EXOC4: variants seen among roughly 807,000 people sequenced by gnomAD.
The protein encoded by EXOC4 is exocyst complex component 4, also known as SEC8-like 1.
A neutral mutation model predicts 107.2 loss-of-function variants in EXOC4; 71 were observed. The observed-to-expected ratio is 0.66, with a 90% CI of 0.55 to 0.81. EXOC4 has a LOEUF of 0.81. Among genes scored for constraint, EXOC4 ranks in the 30% least tolerant of loss-of-function variants. The pLI, the probability that EXOC4 is intolerant of heterozygous loss-of-function variation, is 0.00. For missense variants in EXOC4, 1,108 were observed against 1,189.6 expected (o/e 0.93, Z 1.01); for synonymous variants, 456 against 441.2 (o/e 1.03, Z -0.42).
At chr7:133,647,043 T>C (rs899527252) in intron 10 of EXOC4, among the ~76,000 whole-genome samples, 5 of 152,168 alleles carry the variant, frequency 3.3e-5, no homozygotes, top group African/African-American at 1.2e-4. Flanking sequence ...AAATTACCGA[T>C]GCAGTCCTAA....
At chr7:134,014,462 A>G (rs1041450536) in intron 17 of EXOC4, among the ~76,000 whole-genome samples, 37 of 152,366 alleles carry the variant, frequency 2.4e-4, no homozygotes, top group African/African-American at 6.5e-4. Flanking sequence ...AACGTGGTAC[A>G]TTCATACAAT....
At chr7:133,362,379 A>T (rs1027461466) in intron 6 of EXOC4, among the ~76,000 whole-genome samples, 11 of 152,156 alleles carry the variant, frequency 7.2e-5, no homozygotes, top group African/African-American at 2.7e-4. Flanking sequence ...TGTGTCTGTC[A>T]TGTAATTGTC....
intron 10 of EXOC4, among the ~76,000 whole-genome samples, chr7:133,755,246 AT>A (rs1562984091): frequency 6.3e-4 from 67 of 105,544 alleles, no homozygotes; most frequent in African/African-American, 2.0e-3. Flanking sequence ...TATATATAAT[AT>A]ATATATTATA....
chr7:134,076,033 C>A, the EXOC4 span, among the ~76,000 whole-genome samples: 3 of 152,152 alleles, frequency 2.0e-5, no homozygotes, highest in African/African-American at 4.8e-5. Flanking sequence ...CTGATACACA[C>A]AACGAAGAGG....
chr7:133,654,118 C>T (rs1289141621), intron 10 of EXOC4, among the ~76,000 whole-genome samples: 3 of 152,166 alleles, frequency 2.0e-5, no homozygotes, highest in African/African-American at 7.2e-5. Context: ...TCTGTCATTA[C>T]AGCACCGGTT....
At chr7:133,291,202 TTTG>T (rs1311666104) in intron 3 of EXOC4, among the ~76,000 whole-genome samples, 2 of 151,944 alleles carry the variant, frequency 1.3e-5, no homozygotes, top group Non-Finnish European at 2.9e-5. Context: ...TTCCGGAGGT[TTTG>T]TTTCGTTTTC....
At chr7:133,937,285 T>G (rs1228696546) in intron 13 of EXOC4, among the ~76,000 whole-genome samples, 1 of 152,210 alleles carries the variant, frequency 6.6e-6, no homozygotes, top group Admixed American at 6.5e-5. Context: ...CATTGATTTT[T>G]TTTAATTGGT....
intron 14 of EXOC4, among the ~76,000 whole-genome samples, chr7:133,974,490 T>C (rs552816304): frequency 6.6e-6 from 1 of 152,344 alleles, no homozygotes; most frequent in African/African-American, 2.4e-5. Context: ...CATAGAAATC[T>C]CTTCCAGTAT....
At chr7:133,797,693 G>A (rs914504918) in intron 10 of EXOC4, among the ~76,000 whole-genome samples, 1 of 152,186 alleles carries the variant, frequency 6.6e-6, no homozygotes, top group African/African-American at 2.4e-5. Context: ...TTGATTCAGT[G>A]AGAGTCACAG....
chr7:133,984,851 G>C (rs1366693351), intron 14 of EXOC4, among the ~76,000 whole-genome samples: 1 of 152,174 alleles, frequency 6.6e-6, no homozygotes, highest in Non-Finnish European at 1.5e-5. Context: ...AGGAAAACGA[G>C]ACTTAGAGTT....
rs1219605337 is a variant in EXOC4 at position 133,787,132 on chromosome 7, CT to C, written c.1515-30184del. ...TTTATTGAGCATTTTCTGTAAGGTACTTTTTTTTTCTTGTTTTTTCTTTTCT... is the reference window on the plus strand; with the variant it reads ...TTTATTGAGCATTTTCTGTAAGGTACTTTTTTTTCTTGTTTTTTCTTTTCT... On this transcript the variant is annotated intron_variant, in intron 10 of 17. Transcript: ENST00000253861. 2.0e-4 allele frequency among the ~76,000 whole-genome samples: 30 copies of C among 146,692 alleles called. No individual in the cohort carries two copies. In the South Asian group the frequency reaches 6.2e-3, roughly 30 times the overall value.
chr7:133,913,818 A>G (rs536970113), intron 12 of EXOC4, among the ~76,000 whole-genome samples: 1 of 152,226 alleles, frequency 6.6e-6, no homozygotes, highest in African/African-American at 2.4e-5. Flanking sequence ...AGATGGTTCA[A>G]GCTGTGCAAG....
chr7:134,099,354 CTCCCTCTCTTCT>C, the EXOC4 span, among the ~76,000 whole-genome samples: 30,840 of 151,722 alleles, frequency 0.2, 4,624 homozygotes, highest in African/African-American at 0.43. Context: ...ACTCTCTGAC[CTCCCTCTCTTCT>C]CTCCTGAAGA....
chr7:133,584,073 A>C (rs1353560357), intron 9 of EXOC4, among the ~76,000 whole-genome samples: 2 of 152,180 alleles, frequency 1.3e-5, no homozygotes, highest in South Asian at 2.1e-4. Context: ...CTTTGGTGGA[A>C]GAAGGGCAGG....
At chr7:133,548,822 A>G (rs567185765) in intron 9 of EXOC4, among the ~76,000 whole-genome samples, 41 of 152,202 alleles carry the variant, frequency 2.7e-4, no homozygotes, top group Admixed American at 1.3e-4. Flanking sequence ...TCGCCATGTA[A>G]GAAATGAGGC....
At chr7:133,459,038 G>A (rs531990275) in intron 7 of EXOC4, among the ~76,000 whole-genome samples, 29 of 152,298 alleles carry the variant, frequency 1.9e-4, no homozygotes, top group South Asian at 1.0e-3. Flanking sequence ...GTTATTAAGA[G>A]CTGGCATTTA....
chr7:133,806,566 ACC>A (rs1797082707), intron 10 of EXOC4, among the ~76,000 whole-genome samples: 1 of 152,186 alleles, frequency 6.6e-6, no homozygotes, highest in Non-Finnish European at 1.5e-5. Context: ...ATGTCCCAGT[ACC>A]TCAGCACACA....
At chr7:134,055,905 G>A (rs1032148390) in intron 17 of EXOC4, among the ~76,000 whole-genome samples, 2 of 152,152 alleles carry the variant, frequency 1.3e-5, no homozygotes, top group African/African-American at 4.8e-5. Context: ...CATTTAAAAT[G>A]TTATTAGAGT....
chr7:133,542,966 A>G (rs978471588), intron 9 of EXOC4, among the ~76,000 whole-genome samples: 4 of 152,140 alleles, frequency 2.6e-5, no homozygotes, highest in Non-Finnish European at 4.4e-5. Flanking sequence ...ATGCTAATTG[A>G]CTGCCTGAAG....
Sources: allele counts gnomAD v4.1 joint callset (sites outside exome capture counted in the v4.1 genomes callset), GRCh38; gene constraint gnomAD v4.1.1; transcripts MANE v1.5; gene names NCBI Gene and HGNC (gene_info 2026-07-23, HGNC 2026-07-21).